URM1: variants seen among roughly 807,000 people sequenced by gnomAD.
The protein encoded by URM1 is ubiquitin related modifier 1.
A neutral mutation model predicts 17.7 loss-of-function variants in URM1; 11 were observed. That is an observed-to-expected ratio of 0.62 (90% CI 0.39 to 1.03). The LOEUF (loss-of-function observed/expected upper bound fraction) is 1.03. URM1 is among the 50% of genes least tolerant of loss of function. The pLI, the probability that URM1 is intolerant of heterozygous loss-of-function variation, is 0.00. For missense variants in URM1, 128 were observed against 129.2 expected, an observed-to-expected ratio of 0.99 and a Z score of 0.04; for synonymous variants, 48 against 50.6, an observed-to-expected ratio of 0.95 and a Z score of 0.22.
chr9:128,391,008 C>G lies in URM1; in HGVS notation c.*1274C>G, dbSNP rs1411162181. On this transcript the variant is annotated 3_prime_UTR_variant, in exon 5 of 5. Coordinates refer to ENST00000372853, the MANE Select transcript of URM1 (RefSeq NM_030914.4). ...AAGGCTTTGTCCCACCAGCTGCAGC[C>G]AGCAGCCTCAGAACCCAAAATGAGG... 6.6e-6 allele frequency: 1 copy of G among 152,332 alleles called. No individual in the cohort carries two copies. Among genetic ancestry groups the G allele is most frequent in the Non-Finnish European group, 1.5e-5 (1 of 68,142 alleles). The allele number at this position is 152,332 out of a possible 1,614,324, so 9.4% of individuals were successfully genotyped here.
At chr9:128,372,731 G>A (rs2131286530) in intron 1 of URM1, among the ~76,000 whole-genome samples, 1 of 152,180 alleles carries the variant, frequency 6.6e-6, no homozygotes. Flanking sequence ...CTGCTTCCTT[G>A]ACAGGCCTCA....
At chr9:128,377,803 C>T (rs968571164) in intron 1 of URM1, among the ~76,000 whole-genome samples, 5 of 152,150 alleles carry the variant, frequency 3.3e-5, no homozygotes, top group African/African-American at 7.2e-5. Flanking sequence ...AAGGTTACAG[C>T]GAGCTATGAT....
chr9:128,372,236 A>G (rs1238711426), intron 1 of URM1, among the ~76,000 whole-genome samples: 2 of 152,176 alleles, frequency 1.3e-5, no homozygotes, highest in East Asian at 3.9e-4. Flanking sequence ...TGTACTTTAC[A>G]GTATCACGTG....
intron 2 of URM1, among the ~76,000 whole-genome samples, chr9:128,380,708 G>A (rs965483834): frequency 2.1e-4 from 31 of 148,934 alleles, no homozygotes; most frequent in Admixed American, 1.1e-3. Context: ...CAGTCTCAGC[G>A]CGCTGCAACC....
At chr9:128,376,763 G>C (rs1278924721) in intron 1 of URM1, among the ~76,000 whole-genome samples, 1 of 152,186 alleles carries the variant, frequency 6.6e-6, no homozygotes, top group Admixed American at 6.5e-5. Flanking sequence ...AAGGCAGGGA[G>C]ATTACTTGAG....
At chr9:128,380,287 G>T (rs1833141656) in intron 2 of URM1, among the ~76,000 whole-genome samples, 2 of 152,212 alleles carry the variant, frequency 1.3e-5, no homozygotes, top group Non-Finnish European at 2.9e-5. Flanking sequence ...TTGGAGAGCA[G>T]TGGCACAGGG....
At chr9:128,371,336 C>T (rs773676456), upstream of URM1, 1 of 1,606,736 alleles carries the variant, frequency 6.2e-7, no homozygotes, top group East Asian at 2.3e-5. Flanking sequence ...TTTGCGGGCG[C>T]GCCGGAAGTT....
Position 128,378,217 on chromosome 9 carries a change from CCT to C in URM1, c.106+116_106+117del. Reference sequence around the variant, plus strand: ...TGTTCTGCATCCGTGTGCTAAGCTGCCTCTCTAGCAGGCAGAGGAATAAAAAC... The same window carrying C: ...TGTTCTGCATCCGTGTGCTAAGCTGCCTCTAGCAGGCAGAGGAATAAAAAC... On this transcript the variant is annotated intron_variant, in intron 2 of 4. Coordinates refer to ENST00000372853, the MANE Select transcript of URM1 (RefSeq NM_030914.4). The C allele has an allele frequency of 4.1e-6, 3 of 736,988 alleles. No individual in the cohort carries two copies. The Admixed American group carries it at 8.6e-5, about 21-fold the overall frequency. The allele number at this position is 736,988 out of a possible 1,614,324, so 45.7% of individuals were successfully genotyped here.
rs3217091 is a variant in URM1 at position 128,390,528 on chromosome 9, A to ATATT, written c.*797_*798insTTAT. On this transcript the variant is annotated 3_prime_UTR_variant, in exon 5 of 5. Coordinates refer to ENST00000372853, the MANE Select transcript of URM1 (RefSeq NM_030914.4). Reference sequence around the variant, plus strand: ...CCTCAGTTTCCTCCTCCACAACTGAATATAGTGGCTGAAAACTGGGGAGAT... The same window carrying ATATT: ...CCTCAGTTTCCTCCTCCACAACTGAATATTTATAGTGGCTGAAAACTGGGGAGAT... 35,674 of 151,894 alleles carry ATATT rather than the reference A, an allele frequency of 0.23. 8,338 individuals carry two copies. The highest frequency in any genetic ancestry group is 0.61 in the African/African-American group (24,970 of 41,214). 9.4% of individuals were successfully genotyped at this position (151,894 alleles called of 1,614,324 possible).
At chr9:128,377,852 C>T in intron 1 of URM1, 184 bp from the exon 2 acceptor site, 1 of 639,490 alleles carries the variant, frequency 1.6e-6, no homozygotes, top group Non-Finnish European at 2.8e-6. Context: ...AGAGTAAGAA[C>T]CTGTCTCTAA....
chr9:128,372,313 G>GCC (rs1401226647), intron 1 of URM1, among the ~76,000 whole-genome samples: 3 of 121,828 alleles, frequency 2.5e-5, no homozygotes, highest in African/African-American at 1.7e-4. Context: ...GTGTGTGCCT[G>GCC]TGTGTGTGTA....
intron 2 of URM1, among the ~76,000 whole-genome samples, chr9:128,385,507 G>A (rs1019945572): frequency 6.6e-6 from 1 of 152,104 alleles, no homozygotes; most frequent in African/African-American, 2.4e-5. Context: ...TAGTAGGAGA[G>A]GGAAGACAAG....
At chr9:128,375,598 C>G (rs1031831776) in intron 1 of URM1, among the ~76,000 whole-genome samples, 1 of 152,010 alleles carries the variant, frequency 6.6e-6, no homozygotes, top group African/African-American at 2.4e-5. Flanking sequence ...CTCACTGTGT[C>G]GCCCAGGCTG....
upstream of URM1, chr9:128,371,339 C>A: frequency 1.2e-6 from 2 of 1,609,066 alleles, no homozygotes; most frequent in Middle Eastern, 1.7e-4. Flanking sequence ...GCGGGCGCGC[C>A]GGAAGTTGAG....
At chr9:128,386,126 G>A (rs1254054738) in intron 2 of URM1, among the ~76,000 whole-genome samples, 1 of 152,198 alleles carries the variant, frequency 6.6e-6, no homozygotes, top group Non-Finnish European at 1.5e-5. Flanking sequence ...GTTCCATGCA[G>A]GCCAGGCACT....
chr9:128,374,830 C>T (rs1054710792), intron 1 of URM1, among the ~76,000 whole-genome samples: 2 of 152,346 alleles, frequency 1.3e-5, no homozygotes, highest in South Asian at 2.1e-4. Context: ...CAGCATGGGG[C>T]GCTGAAAGAG....
intron 3 of URM1, 94 bp from the exon 4 acceptor site, chr9:128,389,167 A>C (rs1386370122): frequency 2.7e-5 from 40 of 1,506,064 alleles, no homozygotes; most frequent in Non-Finnish European, 1.8e-6. Context: ...TCCTCAGCAC[A>C]CTCTCCTGCA....
intron 2 of URM1, among the ~76,000 whole-genome samples, chr9:128,385,562 T>A (rs1239290569): frequency 6.6e-6 from 1 of 152,050 alleles, no homozygotes; most frequent in Non-Finnish European, 1.5e-5. Context: ...CCAGCCCCTA[T>A]CTATCACAGA....
intron 1 of URM1, among the ~76,000 whole-genome samples, chr9:128,374,840 G>A (rs1007739759): frequency 6.6e-6 from 1 of 152,246 alleles, no homozygotes; most frequent in Non-Finnish European, 1.5e-5. Context: ...CGCTGAAAGA[G>A]CCCTGGCGCT....
Sources: allele counts gnomAD v4.1 joint callset (sites outside exome capture counted in the v4.1 genomes callset), GRCh38; gene constraint gnomAD v4.1.1; transcripts MANE v1.5; gene names NCBI Gene and HGNC (gene_info 2026-07-23, HGNC 2026-07-21).